The following EYS variants were observed in gnomAD, a reference collection of about 807,000 sequenced individuals.
EYS encodes protein eyes shut homolog.
In EYS, 250 loss-of-function variants were observed where a neutral mutation model predicts 282.1. The ratio of observed to expected loss-of-function variants is 0.89; its 90% CI spans 0.80 to 0.98. The LOEUF is 0.98. Among genes scored for constraint, EYS ranks in the 50% least tolerant of loss-of-function variants. The pLI is 0.00. For missense variants in EYS, 4,016 were observed against 3,709.0 expected (o/e 1.08, Z -2.15); for synonymous variants, 1,355 against 1,282.9 (o/e 1.06, Z -1.20).
At chr6:64,030,387 C>T (rs112139937) in intron 33 of EYS, among the ~76,000 whole-genome samples, 4,098 of 152,268 alleles carry the variant, frequency 0.027, 157 homozygotes, top group African/African-American at 0.083. Context: ...ATCTGCCTCT[C>T]AGACAGTTTG....
chr6:64,361,434 T>C (rs898733107), intron 29 of EYS, among the ~76,000 whole-genome samples: 1 of 151,744 alleles, frequency 6.6e-6, no homozygotes, highest in Non-Finnish European at 1.5e-5. Flanking sequence ...CAGGGAAGCA[T>C]TCACAATGCA....
intron 2 of EYS, among the ~76,000 whole-genome samples, chr6:65,624,745 G>T (rs975377476): frequency 1.3e-5 from 2 of 152,138 alleles, no homozygotes; most frequent in Admixed American, 6.5e-5. Flanking sequence ...CTTGAACACC[G>T]AACTGCAAGT....
At chr6:64,145,699 T>C (rs763229347) in intron 31 of EYS, among the ~76,000 whole-genome samples, 12 of 152,198 alleles carry the variant, frequency 7.9e-5, no homozygotes, top group Non-Finnish European at 1.2e-4. Context: ...AAGATTTTAA[T>C]AATTGAGCGA....
intron 8 of EYS, among the ~76,000 whole-genome samples, chr6:65,361,786 G>A (rs1010502186): frequency 2.0e-5 from 3 of 152,050 alleles, no homozygotes; most frequent in Non-Finnish European, 4.4e-5. Context: ...CATCCTGAAA[G>A]TAATTTCTTA....
intron 11 of EYS, among the ~76,000 whole-genome samples, chr6:65,312,664 G>T (rs1305548855): frequency 6.6e-6 from 1 of 152,116 alleles, no homozygotes; most frequent in African/African-American, 2.4e-5. Flanking sequence ...TAAACAAGTT[G>T]CACTTACTTA....
chr6:65,394,219 T>C (rs1766174775), intron 7 of EYS, among the ~76,000 whole-genome samples: 1 of 151,924 alleles, frequency 6.6e-6, no homozygotes, highest in African/African-American at 2.4e-5. Context: ...TTAGTGTGTG[T>C]GTATGTGCGC....
At chr6:64,934,038 T>C (rs962607408) in intron 15 of EYS, among the ~76,000 whole-genome samples, 29 of 151,948 alleles carry the variant, frequency 1.9e-4, no homozygotes, top group African/African-American at 7.0e-4. Context: ...GATGGGTTGA[T>C]GGGTGCAGTA....
At chr6:65,673,019 A>G (rs1768448571) in intron 1 of EYS, among the ~76,000 whole-genome samples, 1 of 152,004 alleles carries the variant, frequency 6.6e-6, no homozygotes. Context: ...TTCACAAGGT[A>G]ATGTCATCAG....
intron 22 of EYS, among the ~76,000 whole-genome samples, chr6:64,785,074 A>G (rs751505714): frequency 1.3e-5 from 2 of 152,212 alleles, no homozygotes; most frequent in Non-Finnish European, 2.9e-5. Context: ...CAACCTGGGC[A>G]ACATAACACC....
At chr6:64,009,655 C>G (rs1325192872) in intron 33 of EYS, among the ~76,000 whole-genome samples, 1 of 152,030 alleles carries the variant, frequency 6.6e-6, no homozygotes, top group Non-Finnish European at 1.5e-5. Context: ...TCCTTAGATT[C>G]TTTAGATTTT....
At chr6:63,893,732 G>A (rs1431912077) in intron 35 of EYS, among the ~76,000 whole-genome samples, 1 of 151,968 alleles carries the variant, frequency 6.6e-6, no homozygotes, top group Non-Finnish European at 1.5e-5. Flanking sequence ...AATAATAATA[G>A]TAATAAAAAC....
At chr6:64,036,613 G>C (rs1405277220) in intron 33 of EYS, among the ~76,000 whole-genome samples, 1 of 152,174 alleles carries the variant, frequency 6.6e-6, no homozygotes, top group Non-Finnish European at 1.5e-5. Flanking sequence ...AACTAAGGCT[G>C]TCACAGTGGG....
chr6:65,078,060 G>T (rs1322277777), intron 12 of EYS, among the ~76,000 whole-genome samples: 2 of 151,958 alleles, frequency 1.3e-5, no homozygotes. Context: ...TAGCATTATT[G>T]AACCATAATT....
In EYS at chr6:65,490,684, C is replaced by T; in HGVS notation, c.772G>A (p.Gly258Ser). 1 of 1,611,258 alleles carries T rather than the reference C, an allele frequency of 6.2e-7. No individual in the cohort carries two copies. Among genetic ancestry groups the T allele is most frequent in the South Asian group, 1.1e-5 (1 of 90,956 alleles). ...AAACAGACATGTGGTTGACACTGGC[C>T]AATTATTTCTGAGCAATTCTTTCCT... ...FTGKNCSEII[G>S]QCQPHVCFHG... The change falls in exon 5 of 43, where the codon GGC becomes AGC. Residue 258 changes from glycine to serine, a missense_variant. By Grantham distance (56) the Gly-to-Ser change is moderately conservative. Coordinates refer to ENST00000503581, the MANE Select transcript of EYS (RefSeq NM_001142800.2).
At chr6:65,482,153 G>GA (rs914526804) in intron 5 of EYS, among the ~76,000 whole-genome samples, 2 of 151,916 alleles carry the variant, frequency 1.3e-5, no homozygotes, top group East Asian at 1.9e-4. Flanking sequence ...GAAACAAGAA[G>GA]AAAAAATGCT....
intron 37 of EYS, among the ~76,000 whole-genome samples, chr6:63,789,484 T>A (rs1259362034): frequency 1.3e-5 from 2 of 152,114 alleles, no homozygotes; most frequent in Non-Finnish European, 2.9e-5. Context: ...AACTAAAAAG[T>A]TGAATGGGAT....
At chr6:65,473,062 T>A (rs1262038405) in intron 5 of EYS, among the ~76,000 whole-genome samples, 1 of 151,882 alleles carries the variant, frequency 6.6e-6, no homozygotes, top group Non-Finnish European at 1.5e-5. Flanking sequence ...ATATAGCAAA[T>A]AATGAATCCA....
intron 12 of EYS, among the ~76,000 whole-genome samples, chr6:65,277,708 GCAAATGTCACT>G (rs922962583): frequency 6.6e-6 from 1 of 152,120 alleles, no homozygotes; most frequent in Non-Finnish European, 1.5e-5. Flanking sequence ...ATGAAGAAAA[GCAAATGTCACT>G]CAATGACTTT....
intron 35 of EYS, among the ~76,000 whole-genome samples, chr6:63,879,986 A>AAGTAG (rs1773083196): frequency 6.6e-6 from 1 of 152,162 alleles, no homozygotes; most frequent in Admixed American, 6.5e-5. Flanking sequence ...ACTAATTCTG[A>AAGTAG]AGTAGAGATG....
Sources: allele counts gnomAD v4.1 joint callset (sites outside exome capture counted in the v4.1 genomes callset), GRCh38; gene constraint gnomAD v4.1.1; transcripts MANE v1.5; gene names NCBI Gene and HGNC (gene_info 2026-07-23, HGNC 2026-07-21).